Variants in ZNF804B observed in about 807,000 individuals in gnomAD.
ZNF804B encodes zinc finger protein 804B, also known as zinc finger 804B.
Under a neutral mutation model 101.4 loss-of-function variants are expected in ZNF804B, and 80 were observed. That is an observed-to-expected ratio of 0.79 (90% CI 0.66 to 0.95). The LOEUF is 0.95. ZNF804B is among the 40% of genes least tolerant of loss of function. The probability of loss-of-function intolerance (pLI) is 0.00; values close to 1 mark genes in which losing one functional copy is unlikely to be tolerated. For missense variants in ZNF804B, 1,673 were observed against 1,561.9 expected (o/e 1.07, Z -1.20); for synonymous variants, 622 against 558.8 (o/e 1.11, Z -1.59).
At chr7:89,271,077 G>A (rs1056181531) in intron 2 of ZNF804B, among the ~76,000 whole-genome samples, 1 of 152,076 alleles carries the variant, frequency 6.6e-6, no homozygotes, top group Non-Finnish European at 1.5e-5. Context: ...CTGCCTGATT[G>A]TCCTGGCTAG....
intron 1 of ZNF804B, among the ~76,000 whole-genome samples, chr7:88,854,472 TTTCTCTTTCCTTTCCTTTC>T (rs1791512592): frequency 1.0e-5 from 1 of 95,486 alleles, no homozygotes. Flanking sequence ...TCTTTCTTTC[TTTCTCTTTCCTTTCCTTTC>T]CTTTCCTTTC....
chr7:89,050,714 C>T (rs552322187), intron 1 of ZNF804B, among the ~76,000 whole-genome samples: 1 of 152,214 alleles, frequency 6.6e-6, no homozygotes, highest in Non-Finnish European at 1.5e-5. Context: ...CTTCCTCTTT[C>T]TGCTTTTTCA....
chr7:89,266,769 G>C (rs1457276268), intron 2 of ZNF804B, among the ~76,000 whole-genome samples: 1 of 152,014 alleles, frequency 6.6e-6, no homozygotes, highest in Non-Finnish European at 1.5e-5. Flanking sequence ...GTAATAAGTA[G>C]AGATTTTATC....
chr7:88,867,896 G>A (rs1466086090), intron 1 of ZNF804B, among the ~76,000 whole-genome samples: 2 of 152,094 alleles, frequency 1.3e-5, no homozygotes, highest in Non-Finnish European at 2.9e-5. Context: ...ATGACAAGTG[G>A]TAGAGTCTGG....
At chr7:88,895,361 C>T (rs1792269720) in intron 1 of ZNF804B, among the ~76,000 whole-genome samples, 1 of 152,146 alleles carries the variant, frequency 6.6e-6, no homozygotes, top group South Asian at 2.1e-4. Context: ...ATAAACCTTG[C>T]CATACTGGAT....
chr7:89,189,783 A>T (rs1476324161), intron 1 of ZNF804B, among the ~76,000 whole-genome samples: 3 of 152,186 alleles, frequency 2.0e-5, no homozygotes, highest in Admixed American at 1.3e-4. Context: ...TCCTCAGATA[A>T]ATTTTTTTCT....
chr7:89,072,625 C>A (rs1583970336), intron 1 of ZNF804B, among the ~76,000 whole-genome samples: 1 of 151,886 alleles, frequency 6.6e-6, no homozygotes, highest in African/African-American at 2.4e-5. Flanking sequence ...AATAAATATT[C>A]TATGCAAAAT....
At chr7:89,224,778 G>A (rs934218061) in intron 2 of ZNF804B, among the ~76,000 whole-genome samples, 1 of 149,886 alleles carries the variant, frequency 6.7e-6, no homozygotes, top group Non-Finnish European at 1.5e-5. Flanking sequence ...GTGTATCCTG[G>A]AATCACCCAG....
At chr7:89,286,142 G>A (rs1468637017) in intron 2 of ZNF804B, among the ~76,000 whole-genome samples, 2 of 152,152 alleles carry the variant, frequency 1.3e-5, no homozygotes, top group African/African-American at 4.8e-5. Context: ...CAACTAAGGT[G>A]TTGAGGTGGT....
chr7:88,819,926 A>G (rs149431521), intron 1 of ZNF804B, among the ~76,000 whole-genome samples: 1 of 152,208 alleles, frequency 6.6e-6, no homozygotes, highest in Non-Finnish European at 1.5e-5. Flanking sequence ...CTCAGGAAGC[A>G]TAGTTTGTCC....
chr7:88,987,905 C>G (rs1163343778), intron 1 of ZNF804B, among the ~76,000 whole-genome samples: 1 of 151,906 alleles, frequency 6.6e-6, no homozygotes, highest in Non-Finnish European at 1.5e-5. Context: ...TTAATCCCCT[C>G]CTCCTCCCTT....
At chr7:89,283,989 A>G (rs1366922268) in intron 2 of ZNF804B, among the ~76,000 whole-genome samples, 2 of 152,180 alleles carry the variant, frequency 1.3e-5, no homozygotes, top group African/African-American at 2.4e-5. Context: ...ATACTTGTCT[A>G]TTTTATCATT....
At chr7:88,857,937 G>A (rs141993786) in intron 1 of ZNF804B, among the ~76,000 whole-genome samples, 99 of 139,988 alleles carry the variant, frequency 7.1e-4, no homozygotes, top group African/African-American at 2.2e-3. Flanking sequence ...GATTTCATGC[G>A]TCAGCCTCCT....
At chr7:89,288,015 A>G (rs1584106468) in intron 2 of ZNF804B, among the ~76,000 whole-genome samples, 1 of 152,208 alleles carries the variant, frequency 6.6e-6, no homozygotes, top group East Asian at 1.9e-4. Context: ...TGTTCAGCAT[A>G]CCATCAAAAT....
intron 1 of ZNF804B, among the ~76,000 whole-genome samples, chr7:88,844,725 G>C (rs138165367): frequency 1.3e-5 from 2 of 152,210 alleles, no homozygotes; most frequent in African/African-American, 4.8e-5. Context: ...TCTGAATCTT[G>C]CTGTGAAAAA....
intron 1 of ZNF804B, among the ~76,000 whole-genome samples, chr7:88,871,685 T>A (rs1199965804): frequency 1.3e-5 from 2 of 152,174 alleles, no homozygotes; most frequent in Non-Finnish European, 2.9e-5. Context: ...AAAACTGGGC[T>A]GGGTGCTGTG....
intron 1 of ZNF804B, among the ~76,000 whole-genome samples, chr7:88,963,045 A>T (rs1303471237): frequency 1.3e-5 from 2 of 151,072 alleles, no homozygotes; most frequent in African/African-American, 4.8e-5. Context: ...AGGGAAGGAC[A>T]TTCCCTTTTC....
intron 1 of ZNF804B, among the ~76,000 whole-genome samples, chr7:89,142,485 G>C (rs1305340356): frequency 6.6e-6 from 1 of 151,998 alleles, no homozygotes; most frequent in East Asian, 1.9e-4. Flanking sequence ...TTTGCTTCAA[G>C]TGACTTCCTC....
intron 1 of ZNF804B, among the ~76,000 whole-genome samples, chr7:88,920,285 A>G (rs896010016): frequency 2.0e-5 from 3 of 152,138 alleles, no homozygotes; most frequent in East Asian, 1.9e-4. Flanking sequence ...TTAATTTTGC[A>G]TGACTGGAAT....
Sources: allele counts gnomAD v4.1 joint callset (sites outside exome capture counted in the v4.1 genomes callset), GRCh38; gene constraint gnomAD v4.1.1; transcripts MANE v1.5; gene names NCBI Gene and HGNC (gene_info 2026-07-23, HGNC 2026-07-21).